Variants in TRIM14 observed in about 807,000 individuals in gnomAD.
TRIM14 encodes the protein tripartite motif-containing protein 14.
TRIM14 carries 28 observed loss-of-function variants against 44.5 expected under a neutral mutation model. That is an observed-to-expected ratio of 0.63 (90% CI 0.47 to 0.86). TRIM14 has a LOEUF of 0.86. TRIM14 is among the 40% of genes least tolerant of loss of function. TRIM14 has a pLI of 0.00. For synonymous variants in TRIM14, 299 were observed against 269.2 expected, an observed-to-expected ratio of 1.11 and a Z score of -1.08; for missense variants, 607 against 611.1, an observed-to-expected ratio of 0.99 and a Z score of 0.07.
chr9:98,115,183 A>G (rs957844726), intron 1 of TRIM14, among the ~76,000 whole-genome samples: 5 of 149,226 alleles, frequency 3.4e-5, no homozygotes, highest in Non-Finnish European at 5.9e-5. Flanking sequence ...TCTGCCTCCT[A>G]GGTTCAAGCG....
the TRIM14 span, among the ~76,000 whole-genome samples, chr9:98,049,981 CAG>C: frequency 6.6e-6 from 1 of 152,162 alleles, no homozygotes; most frequent in Non-Finnish European, 1.5e-5. Flanking sequence ...ATAGAGACTC[CAG>C]TGCAGCTTTG....
chr9:98,050,279 C>G, the TRIM14 span, among the ~76,000 whole-genome samples: 2 of 152,162 alleles, frequency 1.3e-5, no homozygotes, highest in East Asian at 3.8e-4. Context: ...AACAATTCCC[C>G]CCTTTTGATC....
Position 98,113,536 on chromosome 9 carries a change from G to A in TRIM14, c.208-3552C>T, listed in dbSNP as rs1417511436. Among the ~76,000 whole-genome samples the A allele has an allele frequency of 2.6e-5, 4 of 152,090 alleles. No individual in the cohort carries two copies. The East Asian group carries it at 7.7e-4, about 29-fold the overall frequency. The stretch of plus-strand genomic sequence containing the variant: ...CACGCAGCTAATTTTTGTATCTTTT[G>A]TAGAGACAGGGTTTCACCATGTTGC... On this transcript the variant is annotated intron_variant, in intron 1 of 5. Transcript: ENST00000341469.
rs576349027 is a variant in TRIM14, at chr9:98,086,592, C to G, written c.*878G>C. 6 of 152,198 alleles carry G rather than the reference C, an allele frequency of 3.9e-5. No individual in the cohort carries two copies. Among genetic ancestry groups the G allele is most frequent in the African/African-American group, 7.2e-5 (3 of 41,422 alleles). 9.4% of individuals were successfully genotyped at this position (152,198 alleles called of 1,614,324 possible). On this transcript the variant is annotated 3_prime_UTR_variant, in exon 6 of 6. Transcript: ENST00000341469. ...GATTTGTGGCTCTGATAGTGAGATTCTTGTTCCTTGGTTAGACTTCCTGGC... is the reference window on the plus strand; with the variant it reads ...GATTTGTGGCTCTGATAGTGAGATTGTTGTTCCTTGGTTAGACTTCCTGGC...
chr9:98,061,793 T>A, the TRIM14 span, among the ~76,000 whole-genome samples: 10 of 146,434 alleles, frequency 6.8e-5, no homozygotes, highest in Non-Finnish European at 1.4e-4. Flanking sequence ...AAAAAAAAAA[T>A]TAATAATAAT....
Position 98,100,005 on chromosome 9 carries a change from G to A in TRIM14, c.463C>T (p.Leu155Phe), listed in dbSNP as rs769819667. 2 of 1,614,204 alleles carry A rather than the reference G, an allele frequency of 1.2e-6. No individual in the cohort carries two copies. The highest frequency in any genetic ancestry group is 2.2e-5 in the South Asian group (2 of 91,090). The change falls in exon 3 of 6, where the codon CTT becomes TTT. Residue 155 changes from leucine (L) to phenylalanine (F), a missense_variant. Coordinates refer to ENST00000341469, the MANE Select transcript of TRIM14 (RefSeq NM_014788.4). ...TTGGAGAGATCATTCATGATGTCAAGTTGCTCTCTGCAAGAGTCAGCTTGT... is the reference window on the plus strand; with the variant it reads ...TTGGAGAGATCATTCATGATGTCAAATTGCTCTCTGCAAGAGTCAGCTTGT... The part of the protein sequence containing the change: ...REQADSCREQ[L>F]DIMNDLSNRV...
intron 1 of TRIM14, among the ~76,000 whole-genome samples, chr9:98,113,819 C>G (rs959784670): frequency 6.6e-6 from 1 of 152,190 alleles, no homozygotes; most frequent in African/African-American, 2.4e-5. Flanking sequence ...AACTGAATCT[C>G]CTCTATCAGA....
At chr9:98,039,593 A>C in the TRIM14 span, among the ~76,000 whole-genome samples, 1 of 152,008 alleles carries the variant, frequency 6.6e-6, no homozygotes, top group African/African-American at 2.4e-5. Context: ...ACCCTCCCTA[A>C]ACTGCTCCTA....
At chr9:98,081,015 T>C (rs1388373086), downstream of TRIM14, 1 of 1,614,218 alleles carries the variant, frequency 6.2e-7, no homozygotes, top group Non-Finnish European at 8.5e-7. Flanking sequence ...TCAGTGCGTC[T>C]TGTGGAGCGT....
chr9:98,111,391 AG>A (rs1826848443), intron 1 of TRIM14, among the ~76,000 whole-genome samples: 1 of 151,900 alleles, frequency 6.6e-6, no homozygotes, highest in Non-Finnish European at 1.5e-5. Context: ...TGAGCAACAT[AG>A]CTAGACCCCA....
downstream of TRIM14, among the ~76,000 whole-genome samples, chr9:98,082,431 G>A (rs912448939): frequency 6.6e-6 from 1 of 152,142 alleles, no homozygotes; most frequent in Non-Finnish European, 1.5e-5. Flanking sequence ...TGAGCTGAAT[G>A]GTAACCAAAA....
intron 1 of TRIM14, among the ~76,000 whole-genome samples, chr9:98,112,302 A>G (rs1163207076): frequency 6.6e-6 from 1 of 152,206 alleles, no homozygotes; most frequent in Non-Finnish European, 1.5e-5. Flanking sequence ...GACTGTTGAA[A>G]GAGAGTAATT....
intron 1 of TRIM14, among the ~76,000 whole-genome samples, chr9:98,118,425 T>C (rs918381745): frequency 5.3e-5 from 8 of 152,142 alleles, no homozygotes; most frequent in African/African-American, 1.9e-4. Flanking sequence ...CCAGGGCTGC[T>C]ATGAGCAGGA....
chr9:98,056,752 C>T, the TRIM14 span: 89 of 1,573,804 alleles, frequency 5.7e-5, no homozygotes, highest in Non-Finnish European at 7.6e-5. Context: ...GTAGAGGCGG[C>T]GGCGGCGGCG....
At chr9:98,107,068 C>T (rs1826641973) in intron 2 of TRIM14, among the ~76,000 whole-genome samples, 1 of 152,026 alleles carries the variant, frequency 6.6e-6, no homozygotes, top group African/African-American at 2.4e-5. Context: ...TGGGGGAATG[C>T]AAATTAAAAC....
At chr9:98,108,879 C>CTTT (rs5899334) in intron 2 of TRIM14, among the ~76,000 whole-genome samples, 75 of 120,202 alleles carry the variant, frequency 6.2e-4, no homozygotes, top group African/African-American at 2.0e-3. Context: ...TCAGGGGTTC[C>CTTT]TTTTTTTTTT....
chr9:98,109,476 T>C (rs562377316), intron 2 of TRIM14, among the ~76,000 whole-genome samples: 2 of 152,332 alleles, frequency 1.3e-5, no homozygotes, highest in South Asian at 4.1e-4. Flanking sequence ...AAGTACCTAT[T>C]TGTGGAACAG....
chr9:98,069,019 A>G (rs372044184), downstream of TRIM14, among the ~76,000 whole-genome samples: 299 of 152,316 alleles, frequency 2.0e-3, no homozygotes, highest in African/African-American at 6.9e-3. Context: ...ACCACTTAAC[A>G]TAGACTGGGA....
chr9:98,118,856 G>A, intron 1 of TRIM14, 126 bp downstream of exon 1: 6 of 1,151,990 alleles, frequency 5.2e-6, no homozygotes, highest in Non-Finnish European at 6.9e-6. Context: ...CGCCCTCTGG[G>A]GCACCTTTGG....
Sources: allele counts gnomAD v4.1 joint callset (sites outside exome capture counted in the v4.1 genomes callset), GRCh38; gene constraint gnomAD v4.1.1; transcripts MANE v1.5; gene names NCBI Gene and HGNC (gene_info 2026-07-23, HGNC 2026-07-21).